Variants in NAV3 observed in about 807,000 individuals in gnomAD.
NAV3 encodes pore membrane and/or filament interacting like protein 1.
Under a neutral mutation model 244.7 loss-of-function variants are expected in NAV3, and 87 were observed. That is an observed-to-expected ratio of 0.36 (90% CI 0.30 to 0.42). The LOEUF is 0.42. Among genes scored for constraint, NAV3 ranks in the 20% least tolerant of loss-of-function variants. The pLI is 1.00. For missense variants in NAV3, 2,663 were observed against 2,893.3 expected (o/e 0.92, Z 1.83); for synonymous variants, 1,126 against 1,042.2 (o/e 1.08, Z -1.55).
chr12:77,856,903 T>C (rs1645830968), intron 1 of NAV3, among the ~76,000 whole-genome samples: 1 of 152,276 alleles, frequency 6.6e-6, no homozygotes, highest in African/African-American at 2.4e-5. Flanking sequence ...ATTTTTAGAC[T>C]TTGGACAACG....
chr12:78,074,433 G>A (rs1952940924), intron 12 of NAV3, among the ~76,000 whole-genome samples: 1 of 152,226 alleles, frequency 6.6e-6, no homozygotes, highest in African/African-American at 2.4e-5. Flanking sequence ...CAGGCGCAGT[G>A]TCTCATGCCT....
intron 5 of NAV3, among the ~76,000 whole-genome samples, chr12:77,994,571 A>C (rs1353720597): frequency 1.7e-5 from 2 of 115,210 alleles, no homozygotes; most frequent in African/African-American, 7.7e-5. Flanking sequence ...AAAGTCAGTG[A>C]TAACACATTT....
intron 2 of NAV3, among the ~76,000 whole-genome samples, chr12:77,622,534 ATTTTTTTTTT>A (rs529338324): frequency 7.7e-5 from 7 of 90,712 alleles, no homozygotes; most frequent in Non-Finnish European, 1.5e-4. Flanking sequence ...ATCCATATGG[ATTTTTTTTTT>A]TTTTTTTTTT....
intron 1 of NAV3, among the ~76,000 whole-genome samples, chr12:77,915,023 T>C (rs1354844969): frequency 6.6e-6 from 1 of 152,022 alleles, no homozygotes; most frequent in East Asian, 1.9e-4. Context: ...ATATGTTGCA[T>C]CTTTTGGATT....
chr12:78,197,474 T>C, intron 35 of NAV3, 73 bp downstream of exon 35: 4 of 1,098,822 alleles, frequency 3.6e-6, no homozygotes, highest in South Asian at 2.1e-5. Context: ...TGTACCTGTA[T>C]GCATTTTTAA....
chr12:78,043,778 G>A (rs1047593353), intron 9 of NAV3, among the ~76,000 whole-genome samples: 16 of 151,910 alleles, frequency 1.1e-4, no homozygotes, highest in African/African-American at 3.6e-4. Flanking sequence ...TTTTGATGGG[G>A]TTGTTTTTTT....
At chr12:78,047,765 C>G (rs1026925147) in intron 9 of NAV3, among the ~76,000 whole-genome samples, 1 of 152,156 alleles carries the variant, frequency 6.6e-6, no homozygotes, top group Non-Finnish European at 1.5e-5. Flanking sequence ...TCTTGCTAGG[C>G]TGGGCAAGTT....
Position 78,199,346 on chromosome 12 carries a change from G to A in NAV3, c.6530G>A (p.Cys2177Tyr), listed in dbSNP as rs200038093. The A allele has an allele frequency of 2.7e-5, 43 of 1,602,158 alleles. No individual in the cohort carries two copies. The Admixed American group carries it at 6.6e-4, about 25-fold the overall frequency. The change falls in exon 37 of 40, where the codon TGT (cysteine) becomes TAT (tyrosine). Residue 2177 changes from cysteine (C) to tyrosine (Y), a missense_variant. Cys to Tyr is a radical substitution (Grantham distance 194, BLOSUM62 -2). Around this residue, in one of 6 missense-constraint regions of NAV3, gnomAD observed 543 missense variants for 672.4 expected, o/e 0.81. Transcript: ENST00000397909. ...TTTTCTTTTTGTAGGTGGGTATTAT[G>A]TGCAAATCATACAGAACCAGTGAAA... ...ELHHNFRWVLCANHTEPVKGF... is the reference protein window; with the variant it reads ...ELHHNFRWVLYANHTEPVKGF...
chr12:77,862,489 C>A (rs1879392114), intron 1 of NAV3, among the ~76,000 whole-genome samples: 1 of 151,696 alleles, frequency 6.6e-6, no homozygotes, highest in African/African-American at 2.4e-5. Flanking sequence ...TGCGGCCAGG[C>A]TGCAGAATCA....
At chr12:78,166,457 T>C (rs901452674) in intron 23 of NAV3, among the ~76,000 whole-genome samples, 3 of 151,912 alleles carry the variant, frequency 2.0e-5, no homozygotes, top group Non-Finnish European at 2.9e-5. Flanking sequence ...TTTATAGGTG[T>C]TTGCTTATAC....
chr12:77,765,141 G>A (rs1869675608), intron 2 of NAV3, among the ~76,000 whole-genome samples: 1 of 152,148 alleles, frequency 6.6e-6, no homozygotes, highest in African/African-American at 2.4e-5. Context: ...TTCATAACCT[G>A]GGCTGAAGGA....
chr12:77,946,261 G>A (rs1339655027), intron 3 of NAV3, among the ~76,000 whole-genome samples: 2 of 41,346 alleles, frequency 4.8e-5, no homozygotes, highest in Non-Finnish European at 6.9e-5. Context: ...GTGTGTGTGC[G>A]CGTGCACCTT....
chr12:77,661,540 A>G (rs1195969030), intron 2 of NAV3, among the ~76,000 whole-genome samples: 1 of 152,026 alleles, frequency 6.6e-6, no homozygotes, highest in Non-Finnish European at 1.5e-5. Context: ...ACATAGGTTT[A>G]TAATTTTGCT....
chr12:78,057,794 T>C (rs534351558), intron 11 of NAV3, among the ~76,000 whole-genome samples: 1 of 152,314 alleles, frequency 6.6e-6, no homozygotes, highest in East Asian at 1.9e-4. Context: ...AGCACTGTAG[T>C]TGAACCTAAG....
intron 1 of NAV3, among the ~76,000 whole-genome samples, chr12:77,835,035 C>G (rs11106921): frequency 2.6e-5 from 4 of 151,724 alleles, no homozygotes. Flanking sequence ...TAAAGGAAAT[C>G]TGGAGTTGAG....
chr12:77,736,586 C>A (rs1877344345), intron 2 of NAV3, among the ~76,000 whole-genome samples: 1 of 152,160 alleles, frequency 6.6e-6, no homozygotes, highest in East Asian at 1.9e-4. Flanking sequence ...AGATATATTT[C>A]TTACATGGTA....
At chr12:77,775,384 G>A (rs1383138296) in intron 2 of NAV3, among the ~76,000 whole-genome samples, 1 of 147,430 alleles carries the variant, frequency 6.8e-6, no homozygotes, top group African/African-American at 2.5e-5. Flanking sequence ...AGGAGCAAAA[G>A]TCCATCTTGA....
chr12:78,155,839 T>G (rs1957283086), intron 22 of NAV3, among the ~76,000 whole-genome samples: 1 of 152,154 alleles, frequency 6.6e-6, no homozygotes, highest in South Asian at 2.1e-4. Flanking sequence ...CACTTTTTAA[T>G]GGGGAAGTTT....
chr12:78,038,916 G>A lies in NAV3; in HGVS notation c.2024-11077G>A, dbSNP rs568098880. On this transcript the variant is annotated intron_variant, in intron 9 of 39. Transcript: ENST00000397909. ...TTAAATTATAGCATGCTGTGGGTGG[G>A]TGTATATATGACATGTGCCTTTTTG... Among the ~76,000 whole-genome samples, 3 of 152,212 alleles carry A rather than the reference G, an allele frequency of 2.0e-5. No homozygotes were observed. In the South Asian group the frequency reaches 6.2e-4, roughly 32 times the overall value.
Sources: allele counts gnomAD v4.1 joint callset (sites outside exome capture counted in the v4.1 genomes callset), GRCh38; gene constraint gnomAD v4.1.1; regional missense constraint gnomAD v4.1.1; transcripts MANE v1.5; gene names NCBI Gene and HGNC (gene_info 2026-07-23, HGNC 2026-07-21).